Variants in SCN3A observed in about 807,000 individuals in gnomAD.
The protein encoded by SCN3A is sodium voltage-gated channel alpha subunit 3, also known as sodium channel protein type 3 subunit alpha.
Under a neutral mutation model 187.6 loss-of-function variants are expected in SCN3A, and 60 were observed. The ratio of observed to expected loss-of-function variants is 0.32; its 90% CI spans 0.26 to 0.40. The LOEUF is 0.40. Ranked by LOEUF, SCN3A falls within the 10% of genes least tolerant of loss-of-function variation. The pLI, the probability that SCN3A is intolerant of heterozygous loss-of-function variation, is 1.00. For missense variants in SCN3A, 1,601 were observed against 2,428.2 expected (o/e 0.66, Z 7.16); for synonymous variants, 788 against 829.2 (o/e 0.95, Z 0.85).
intron 11 of SCN3A, among the ~76,000 whole-genome samples, chr2:165,153,986 C>CTTTTTTTTTTTTTTTT (rs1559237785): frequency 5.1e-5 from 2 of 39,152 alleles, no homozygotes; most frequent in African/African-American, 2.7e-4. Flanking sequence ...CTATAGCAAA[C>CTTTTTTTTTTTTTTTT]ATTTTTTTTT....
chr2:165,187,474 A>G (rs1198232894), intron 1 of SCN3A, among the ~76,000 whole-genome samples: 1 of 152,230 alleles, frequency 6.6e-6, no homozygotes, highest in Non-Finnish European at 1.5e-5. Context: ...CAATTCATTT[A>G]TACAATGCTC....
chr2:165,112,142 C>T (rs536558918), intron 21 of SCN3A, among the ~76,000 whole-genome samples: 35 of 152,280 alleles, frequency 2.3e-4, no homozygotes, highest in Admixed American at 8.5e-4. Flanking sequence ...CCTTGTGCAA[C>T]GGAATATCAC....
chr2:165,093,906 A>G (rs1473992755), intron 26 of SCN3A: 3 of 174,496 alleles, frequency 1.7e-5, no homozygotes, highest in Non-Finnish European at 3.7e-5. Flanking sequence ...TCTACAGAGT[A>G]TGCATTCTGA....
At chr2:165,178,472 C>T (rs1372882966) in intron 2 of SCN3A, among the ~76,000 whole-genome samples, 6 of 152,152 alleles carry the variant, frequency 3.9e-5, no homozygotes, top group South Asian at 2.1e-4. Flanking sequence ...TCAAGCCATC[C>T]GCCCGCCTCG....
At chr2:165,100,563 G>C (rs573943166) in intron 21 of SCN3A, 139 bp from the exon 22 acceptor site, 1 of 784,770 alleles carries the variant, frequency 1.3e-6, no homozygotes, top group East Asian at 2.8e-5. Context: ...ACATAGTGGG[G>C]TCATCTTATA....
intron 1 of SCN3A, among the ~76,000 whole-genome samples, chr2:165,202,303 A>G (rs1692372841): frequency 6.6e-6 from 1 of 152,062 alleles, no homozygotes; most frequent in Admixed American, 6.6e-5. Flanking sequence ...CAAGAAAAAT[A>G]AAAGCTAACA....
chr2:165,139,334 A>G, intron 14 of SCN3A, 142 bp downstream of exon 14: 1 of 1,145,922 alleles, frequency 8.7e-7, no homozygotes, highest in South Asian at 1.3e-5. Context: ...TCAATGTGAT[A>G]ATGTACTCCA....
chr2:165,114,039 C>CGA, intron 19 of SCN3A, 69 bp from the exon 20 acceptor site: 1 of 1,006,740 alleles, frequency 9.9e-7, no homozygotes, highest in Non-Finnish European at 1.4e-6. Flanking sequence ...AACTTTCTTG[C>CGA]CCCTTCCCCA....
rs764690975 is a variant in SCN3A at position 165,138,024 on chromosome 2, A to G, written c.2246T>C (p.Val749Ala). Residue 749 changes from valine to alanine, a missense_variant, in exon 15 of 28, where the codon GTA becomes GCA. Physicochemically the swap from Val to Ala is moderately conservative, Grantham distance 64. Around this residue, in one of 11 missense-constraint regions of SCN3A, gnomAD observed 376 missense variants for 476.0 expected, o/e 0.79. Coordinates refer to ENST00000283254, the MANE Select transcript of SCN3A (RefSeq NM_006922.4). ...IWDCCDAWLK[V>A]KHLVNLIVMD... is the part of the protein sequence containing the mutation. ...AACAATTAAATTCACAAGATGTTTT[A>G]CTTTTAACCATGCATCACAGCAGTC... is the stretch of plus-strand genomic sequence containing the variant. 3 of 1,613,630 alleles carry G rather than the reference A, an allele frequency of 1.9e-6. No homozygotes were observed. Among genetic ancestry groups the G allele is most frequent in the East Asian group, 2.2e-5 (1 of 44,852 alleles).
chr2:165,158,643 T>C (rs1203788130), intron 9 of SCN3A, among the ~76,000 whole-genome samples: 2 of 138,194 alleles, frequency 1.4e-5, no homozygotes, highest in Non-Finnish European at 3.0e-5. Flanking sequence ...TGTCAGGTAA[T>C]TGAAATCATA....
At chr2:165,147,689 T>TAAC (rs79932693) in intron 11 of SCN3A, among the ~76,000 whole-genome samples, 33,727 of 151,986 alleles carry the variant, frequency 0.22, 3,711 homozygotes, top group East Asian at 0.3. Context: ...ATATTATAAA[T>TAAC]AACAAATGAT....
At chr2:165,131,492 AT>A (rs1687314048) in intron 15 of SCN3A, 75 bp from the exon 16 acceptor site, 1 of 973,932 alleles carries the variant, frequency 1.0e-6, no homozygotes. Context: ...AAAGAAGAAC[AT>A]TAACAGGAAT....
chr2:165,119,850 A>G (rs1251030982), intron 18 of SCN3A: 1 of 152,228 alleles, frequency 6.6e-6, no homozygotes, highest in Non-Finnish European at 1.5e-5. Flanking sequence ...ACTATACTAA[A>G]TAACTAAATT....
At chr2:165,202,594 G>T (rs1186545244) in intron 1 of SCN3A, among the ~76,000 whole-genome samples, 1 of 151,988 alleles carries the variant, frequency 6.6e-6, no homozygotes, top group Non-Finnish European at 1.5e-5. Context: ...GACTATTATT[G>T]CTACTCAATG....
chr2:165,167,234 T>A (rs1197684441), intron 5 of SCN3A, among the ~76,000 whole-genome samples: 2 of 152,234 alleles, frequency 1.3e-5, no homozygotes, highest in African/African-American at 2.4e-5. Context: ...TACAGAGTAG[T>A]CTTACATAGG....
intron 25 of SCN3A, among the ~76,000 whole-genome samples, chr2:165,094,878 G>C (rs1685289919): frequency 6.6e-6 from 1 of 152,162 alleles, no homozygotes; most frequent in Non-Finnish European, 1.5e-5. Flanking sequence ...ATAAGATACA[G>C]TATTCTGCTT....
chr2:165,113,294 C>T (rs1686208426), intron 20 of SCN3A, among the ~76,000 whole-genome samples: 1 of 152,126 alleles, frequency 6.6e-6, no homozygotes, highest in African/African-American at 2.4e-5. Flanking sequence ...ACCCCTAAGT[C>T]TCTATCTCAA....
In SCN3A at chr2:165,090,840, C is replaced by A. The variant is rs1169477357; in HGVS notation, c.5313G>T (p.Leu1771=). Residue 1771 remains leucine, a synonymous_variant, in exon 28 of 28, where the codon CTG becomes CTT. Coordinates refer to ENST00000283254, the MANE Select transcript of SCN3A (RefSeq NM_006922.4). This position sits in a 1 kb window ranked among gnomAD's most constrained non-coding sequence, Gnocchi z 4.0. ...VVVNMYIAVI[L]ENFSVATEES... ...CTTCAGTAGCAACACTGAAGTTCTCCAGGATGACCGCGATGTACATGTTCA... is the reference window on the plus strand; with the variant it reads ...CTTCAGTAGCAACACTGAAGTTCTCAAGGATGACCGCGATGTACATGTTCA... 1.2e-6 allele frequency: 2 copies of A among 1,613,942 alleles called. No individual in the cohort carries two copies. Among genetic ancestry groups the A allele is most frequent in the South Asian group, 2.2e-5 (2 of 91,084 alleles).
intron 19 of SCN3A, 57 bp downstream of exon 19, chr2:165,115,398 T>A: frequency 6.2e-7 from 1 of 1,609,800 alleles, no homozygotes; most frequent in South Asian, 1.1e-5. Flanking sequence ...TGAGGCATAT[T>A]CAGTCTCCGT....
Sources: gnomAD v4.1 joint callset for allele counts (sites outside exome capture counted in the v4.1 genomes callset) on GRCh38, gnomAD v4.1.1 for gene constraint, gnomAD v4.1.1 regional missense constraint, Gnocchi (gnomAD v3.1) non-coding constraint, MANE v1.5 for transcripts, NCBI Gene and HGNC (gene_info 2026-07-23, HGNC 2026-07-21) for gene names.